LRIG3: variants seen among roughly 807,000 people sequenced by gnomAD.
The protein encoded by LRIG3 is leucine rich repeats and immunoglobulin like domains 3, also known as leucine-rich repeats and immunoglobulin-like domains protein 3.
Under a neutral mutation model 114.5 loss-of-function variants are expected in LRIG3, and 76 were observed. That is an observed-to-expected ratio of 0.66 (90% CI 0.55 to 0.80). The LOEUF is 0.80. LRIG3 is among the 30% of genes least tolerant of loss of function. The pLI, the probability that LRIG3 is intolerant of heterozygous loss-of-function variation, is 0.00. For synonymous variants in LRIG3, 512 were observed against 519.8 expected (o/e 0.98, Z 0.20); for missense variants, 1,239 against 1,382.8 (o/e 0.90, Z 1.65).
chr12:58,898,166 C>G (rs1871710851), intron 3 of LRIG3, among the ~76,000 whole-genome samples: 1 of 152,254 alleles, frequency 6.6e-6, no homozygotes, highest in African/African-American at 2.4e-5. Context: ...CTATATTAAT[C>G]AACCTGCTGA....
intron 5 of LRIG3, among the ~76,000 whole-genome samples, chr12:58,889,374 CT>C (rs1871376812): frequency 6.6e-6 from 1 of 152,138 alleles, no homozygotes. Context: ...TTTCACCCTT[CT>C]TTTTAGGTTT....
At position 58,913,989 on chromosome 12, in the gene LRIG3, G is replaced by C. The variant is rs141989740; in HGVS notation, c.376C>G (p.Leu126Val). The change falls in exon 3 of 19, where the codon CTC (leucine) becomes GTC (valine). Residue 126 changes from leucine to valine, a missense_variant. Leu to Val is a conservative substitution (Grantham distance 32). Transcript: ENST00000320743. Reference protein sequence around the residue: ...LGPVSANITLLSLAGNRIVEI... With the variant: ...LGPVSANITLVSLAGNRIVEI... ...CTGCTGATATTCACTTACAAGGAGA[G>C]AAGTGTAATATTTGCCGAGACTGGT... 4.3e-6 allele frequency: 7 copies of C among 1,611,686 alleles called. No homozygotes were observed. Among genetic ancestry groups the C allele is most frequent in the Middle Eastern group, 1.7e-4 (1 of 6,056 alleles).
intron 16 of LRIG3, among the ~76,000 whole-genome samples, chr12:58,875,012 T>C (rs1405585588): frequency 6.6e-6 from 1 of 152,262 alleles, no homozygotes; most frequent in Non-Finnish European, 1.5e-5. Flanking sequence ...CGCCATTTAC[T>C]GCTGGACACA....
chr12:58,880,243 C>T (rs1871076205), intron 13 of LRIG3: 1 of 375,600 alleles, frequency 2.7e-6, no homozygotes, highest in Non-Finnish European at 5.0e-6. Context: ...TTGCAGTGAG[C>T]CAAGATTGCA....
At chr12:58,904,704 A>G (rs1270194597) in intron 3 of LRIG3, among the ~76,000 whole-genome samples, 2 of 152,206 alleles carry the variant, frequency 1.3e-5, no homozygotes, top group Non-Finnish European at 2.9e-5. Flanking sequence ...GGAACAGAAA[A>G]GTTACCCATA....
intron 4 of LRIG3, among the ~76,000 whole-genome samples, chr12:58,890,417 T>C (rs1449390651): frequency 2.0e-5 from 3 of 151,016 alleles, no homozygotes; most frequent in Admixed American, 1.3e-4. Context: ...ATTTTGATTG[T>C]TTTTTTAAAA....
At chr12:58,916,161 C>T (rs1450902141) in intron 1 of LRIG3, among the ~76,000 whole-genome samples, 1 of 152,034 alleles carries the variant, frequency 6.6e-6, no homozygotes, top group Non-Finnish European at 1.5e-5. Flanking sequence ...GAGTGCTTAA[C>T]TTTTTTCAAC....
chr12:58,914,973 C>A (rs1021577217), intron 1 of LRIG3, among the ~76,000 whole-genome samples: 13 of 152,266 alleles, frequency 8.5e-5, no homozygotes, highest in Non-Finnish European at 1.3e-4. Flanking sequence ...CAGCAGATTG[C>A]ACAAAAACTT....
chr12:58,914,576 G>GT (rs35690100), intron 1 of LRIG3: 4 of 457,676 alleles, frequency 8.7e-6, no homozygotes, highest in South Asian at 7.1e-5. Context: ...TTTAAGAGAT[G>GT]TTTTTTTGGC....
At chr12:58,919,379 A>G in intron 1 of LRIG3, 1 of 1,551,166 alleles carries the variant, frequency 6.4e-7, no homozygotes. Flanking sequence ...CGCCCTTTCC[A>G]TAGCTACCGA....
chr12:58,873,642 TTCCACCCTTC>T (rs1172924633), intron 18 of LRIG3: 7 of 191,186 alleles, frequency 3.7e-5, no homozygotes, highest in African/African-American at 1.7e-4. Flanking sequence ...GGATGTTGTT[TTCCACCCTTC>T]GACTGCGGGT....
intron 7 of LRIG3, 47 bp from the exon 8 acceptor site, chr12:58,887,979 A>T: frequency 3.2e-6 from 5 of 1,563,210 alleles, no homozygotes; most frequent in Non-Finnish European, 4.4e-6. Flanking sequence ...TTTCAATTCA[A>T]CACAATGATT....
At chr12:58,919,302 C>T in intron 1 of LRIG3, 2 of 1,382,238 alleles carry the variant, frequency 1.4e-6, no homozygotes, top group Non-Finnish European at 2.0e-6. Context: ...CTGCGCTCTC[C>T]CCTAAACCGT....
intron 7 of LRIG3, 48 bp from the exon 8 acceptor site, chr12:58,887,980 C>CA: frequency 6.4e-7 from 1 of 1,559,384 alleles, no homozygotes. Context: ...TTCAATTCAA[C>CA]ACAATGATTT....
intron 17 of LRIG3, 36 bp from the exon 18 acceptor site, chr12:58,874,366 C>G: frequency 6.2e-7 from 1 of 1,608,404 alleles, no homozygotes; most frequent in Non-Finnish European, 8.5e-7. Context: ...AAGGAGATTA[C>G]AGTTAGCACA....
chr12:58,919,392 A>G (rs1184311164), intron 1 of LRIG3: 7 of 1,551,508 alleles, frequency 4.5e-6, no homozygotes, highest in Non-Finnish European at 6.1e-6. Flanking sequence ...GCTACCGACC[A>G]GTCTTTACAA....
At chr12:58,879,862 G>A (rs968391335) in intron 13 of LRIG3, among the ~76,000 whole-genome samples, 2 of 152,206 alleles carry the variant, frequency 1.3e-5, no homozygotes, top group Admixed American at 6.5e-5. Context: ...AACTGGAGGC[G>A]GAGAAGTGAA....
chr12:58,919,653 A>C, intron 1 of LRIG3: 1 of 1,360,298 alleles, frequency 7.4e-7, no homozygotes, highest in South Asian at 1.5e-5. Flanking sequence ...GTTGCCGCTT[A>C]TCTCCCCTGG....
intron 1 of LRIG3, 32 bp downstream of exon 1, chr12:58,919,968 G>A: frequency 1.9e-6 from 3 of 1,539,988 alleles, no homozygotes; most frequent in South Asian, 2.4e-5. Context: ...CCAGCGGCCC[G>A]GGCCCCCTCC....
Sources: gnomAD v4.1 joint callset for allele counts (sites outside exome capture counted in the v4.1 genomes callset) on GRCh38, gnomAD v4.1.1 for gene constraint, MANE v1.5 for transcripts, NCBI Gene and HGNC (gene_info 2026-07-23, HGNC 2026-07-21) for gene names.